Variants in ICOS observed in about 807,000 individuals in gnomAD.
ICOS encodes inducible T-cell costimulator.
ICOS carries 15 observed loss-of-function variants against 24.6 expected under a neutral mutation model. That is an observed-to-expected ratio of 0.61 (90% CI 0.41 to 0.94). The LOEUF (loss-of-function observed/expected upper bound fraction) is 0.94. ICOS is among the 40% of genes least tolerant of loss of function. The probability of loss-of-function intolerance (pLI) is 0.00; values close to 1 mark genes in which losing one functional copy is unlikely to be tolerated. For synonymous variants in ICOS, 89 were observed against 77.5 expected (o/e 1.15, Z -0.78); for missense variants, 200 against 233.0 (o/e 0.86, Z 0.92).
chr2:203,937,356 AG>A (rs1418949713), intron 1 of ICOS, among the ~76,000 whole-genome samples: 1 of 152,162 alleles, frequency 6.6e-6, no homozygotes, highest in Admixed American at 6.5e-5. Context: ...GGCACCATAG[AG>A]TTTTTATTGA....
At chr2:203,941,591 GC>G (rs1055270935) in intron 1 of ICOS, among the ~76,000 whole-genome samples, 16 of 152,228 alleles carry the variant, frequency 1.1e-4, no homozygotes, top group African/African-American at 3.9e-4. Context: ...ACTGGGCTTT[GC>G]AAATTTTTAA....
At chr2:203,946,233 A>G (rs1689865595) in intron 1 of ICOS, among the ~76,000 whole-genome samples, 2 of 152,168 alleles carry the variant, frequency 1.3e-5, no homozygotes, top group African/African-American at 4.8e-5. Flanking sequence ...TTCATGAAGA[A>G]ATCAGTTTTA....
Position 203,956,734 on chromosome 2 carries a change from G to C in ICOS, c.470G>C (p.Gly157Ala). Reference sequence around the variant, plus strand: ...GCCTTTGTTGTAGTCTGCATTTTGGGATGCATACTTATTTGTTGGCTTACA... The same window carrying C: ...GCCTTTGTTGTAGTCTGCATTTTGGCATGCATACTTATTTGTTGGCTTACA... ...CAAFVVVCIL[G>A]CILICWLTKK... The change falls in exon 3 of 5, where the codon GGA becomes GCA. Residue 157 changes from glycine to alanine, a missense_variant. Coordinates refer to ENST00000316386, the MANE Select transcript of ICOS (RefSeq NM_012092.4). 1.9e-6 allele frequency: 3 copies of C among 1,612,492 alleles called. No individual in the cohort carries two copies. Among genetic ancestry groups the C allele is most frequent in the Non-Finnish European group, 2.5e-6 (3 of 1,178,698 alleles).
intron 1 of ICOS, among the ~76,000 whole-genome samples, chr2:203,937,954 G>A (rs916266107): frequency 1.3e-5 from 2 of 152,270 alleles, no homozygotes; most frequent in Admixed American, 6.5e-5. Context: ...TGAATGACAT[G>A]AGCAGCTTTG....
chr2:203,954,570 C>T (rs542086234), intron 1 of ICOS, among the ~76,000 whole-genome samples: 1 of 151,710 alleles, frequency 6.6e-6, no homozygotes, highest in Non-Finnish European at 1.5e-5. Context: ...GCCTGGGGAA[C>T]AGAGTAAACC....
Position 203,959,926 on chromosome 2 carries a change from C to CA in ICOS, c.*329dup. 1 of 441,534 alleles carries CA rather than the reference C, an allele frequency of 2.3e-6. No individual in the cohort carries two copies. The allele number at this position is 441,534 out of a possible 1,614,324, so 27.4% of individuals were successfully genotyped here. ...TCAGCCAGTAAAACAAACACATTTACAAGAAAAATGTTTTAAAGATGCCAG... is the reference window on the plus strand; with the variant it reads ...TCAGCCAGTAAAACAAACACATTTACAAAGAAAAATGTTTTAAAGATGCCAG... On this transcript the variant is annotated 3_prime_UTR_variant, in exon 5 of 5. Coordinates refer to ENST00000316386, the MANE Select transcript of ICOS (RefSeq NM_012092.4).
At chr2:203,940,790 A>C (rs557690066) in intron 1 of ICOS, among the ~76,000 whole-genome samples, 1 of 151,826 alleles carries the variant, frequency 6.6e-6, no homozygotes, top group Admixed American at 6.5e-5. Flanking sequence ...TGTTTCTATT[A>C]ATTTTTTTTT....
intron 1 of ICOS, among the ~76,000 whole-genome samples, chr2:203,940,877 G>C (rs775329777): frequency 6.6e-6 from 1 of 151,922 alleles, no homozygotes; most frequent in Non-Finnish European, 1.5e-5. Flanking sequence ...TCCACCTCCC[G>C]GGTTGAAGCG....
chr2:203,943,594 C>A (rs1239858377), intron 1 of ICOS, among the ~76,000 whole-genome samples: 4 of 152,098 alleles, frequency 2.6e-5, no homozygotes, highest in Non-Finnish European at 4.4e-5. Context: ...GGGCCTTTAG[C>A]TTTGGTGGTT....
At chr2:203,937,808 G>C (rs1689685698) in intron 1 of ICOS, among the ~76,000 whole-genome samples, 1 of 152,094 alleles carries the variant, frequency 6.6e-6, no homozygotes, top group Non-Finnish European at 1.5e-5. Context: ...TTGATCAAAT[G>C]TTTCATCTTG....
chr2:203,956,762 A>G lies in ICOS; in HGVS notation c.498A>G (p.Lys166=). Residue 166 remains lysine (K), a synonymous_variant, in exon 3 of 5, where the codon AAA becomes AAG. Transcript: ENST00000316386. ...LGCILICWLT[K]KKYSSSVHDP... ...GCATACTTATTTGTTGGCTTACAAA[A>G]AAGGTAAGCGATTTCTATCTTTCCT... is the stretch of plus-strand genomic sequence containing the variant. 6.3e-7 allele frequency: 1 copy of G among 1,597,736 alleles called. No individual in the cohort carries two copies. Among genetic ancestry groups the G allele is most frequent in the Non-Finnish European group, 8.6e-7 (1 of 1,165,228 alleles).
At chr2:203,937,522 A>G (rs2105741679) in intron 1 of ICOS, among the ~76,000 whole-genome samples, 1 of 152,338 alleles carries the variant, frequency 6.6e-6, no homozygotes, top group Non-Finnish European at 1.5e-5. Flanking sequence ...GACAATTTAA[A>G]TAATGCTACA....
intron 1 of ICOS, 112 bp downstream of exon 1, chr2:203,936,984 G>C: frequency 1.3e-6 from 1 of 773,532 alleles, no homozygotes; most frequent in Non-Finnish European, 2.2e-6. Flanking sequence ...GTTTTTGAAA[G>C]TAGGAATAGT....
chr2:203,958,226 C>T (rs62177478), intron 4 of ICOS, among the ~76,000 whole-genome samples: 12,072 of 152,012 alleles, frequency 0.079, 566 homozygotes, highest in Non-Finnish European at 0.096. Context: ...ATTCAATGAG[C>T]GTTTATTGAG....
chr2:203,938,034 T>C (rs1036840114), intron 1 of ICOS, among the ~76,000 whole-genome samples: 10 of 152,376 alleles, frequency 6.6e-5, no homozygotes, highest in Non-Finnish European at 1.2e-4. Flanking sequence ...TAGCAGGTAC[T>C]GTGCCAGATG....
At chr2:203,954,892 C>T (rs1690050955) in intron 1 of ICOS, among the ~76,000 whole-genome samples, 1 of 148,936 alleles carries the variant, frequency 6.7e-6, no homozygotes, top group South Asian at 2.1e-4. Flanking sequence ...AATATACATA[C>T]ATATATAAAA....
At chr2:203,936,973 G>T (rs1689662535) in intron 1 of ICOS, 101 bp downstream of exon 1, 5 of 883,642 alleles carry the variant, frequency 5.7e-6, no homozygotes, top group African/African-American at 1.7e-5. Context: ...CAGTGGTTTT[G>T]GTTTTTGAAA....
At chr2:203,953,854 T>C (rs1690026883) in intron 1 of ICOS, among the ~76,000 whole-genome samples, 1 of 152,210 alleles carries the variant, frequency 6.6e-6, no homozygotes, top group Admixed American at 6.5e-5. Flanking sequence ...AAAAATGAAA[T>C]GTTTATGACA....
intron 1 of ICOS, among the ~76,000 whole-genome samples, chr2:203,937,778 G>GA (rs201958675): frequency 4.2e-4 from 63 of 149,314 alleles, no homozygotes; most frequent in Non-Finnish European, 5.4e-4. Context: ...TACAAAAAAT[G>GA]AAAAAAAAAT....
Sources: gnomAD v4.1 joint callset for allele counts (sites outside exome capture counted in the v4.1 genomes callset) on GRCh38, gnomAD v4.1.1 for gene constraint, MANE v1.5 for transcripts, NCBI Gene and HGNC (gene_info 2026-07-23, HGNC 2026-07-21) for gene names.